The following SP6 variants were observed in gnomAD, a reference collection of about 807,000 sequenced individuals.
SP6 encodes Sp6 transcription factor.
In SP6, 10 loss-of-function variants were observed where a neutral mutation model predicts 23.4. The ratio of observed to expected loss-of-function variants is 0.43; its 90% confidence interval spans 0.26 to 0.72. SP6 has a LOEUF of 0.72. SP6 is among the 30% of genes least tolerant of loss of function. The pLI is 0.23. For missense variants in SP6, 482 were observed against 523.8 expected, an observed-to-expected ratio of 0.92 and a Z score of 0.78; for synonymous variants, 238 against 238.7, an observed-to-expected ratio of 1.00 and a Z score of 0.03.
At chr17:47,858,201 C>A (rs2034012247), upstream of SP6, among the ~76,000 whole-genome samples, 1 of 152,128 alleles carries the variant, frequency 6.6e-6, no homozygotes. Flanking sequence ...CCATCTCCTA[C>A]TGTTCTTCCT....
the SP6 span, among the ~76,000 whole-genome samples, chr17:47,874,920 C>T: frequency 6.6e-6 from 1 of 152,080 alleles, no homozygotes; most frequent in Non-Finnish European, 1.5e-5. Context: ...CTCCACCTGC[C>T]CAAACCTGTG....
chr17:47,847,219 G>T lies in SP6; in HGVS notation c.*80C>A. The T allele has an allele frequency of 7.3e-7, 1 of 1,379,070 alleles. No homozygotes were observed. Among genetic ancestry groups the T allele is most frequent in the Non-Finnish European group, 9.6e-7 (1 of 1,043,808 alleles). 85.4% of individuals were successfully genotyped at this position (1,379,070 alleles called of 1,614,324 possible). On this transcript the variant is annotated 3_prime_UTR_variant, in exon 2 of 2. Coordinates refer to ENST00000536300, the MANE Select transcript of SP6 (RefSeq NM_001258248.2). ...ATACGCACCTTCCCCTCTTCCTCAA[G>T]CCACCCCCAAGGACGTCAGACCTGG...
At chr17:47,871,597 T>A in the SP6 span, among the ~76,000 whole-genome samples, 2 of 152,018 alleles carry the variant, frequency 1.3e-5, no homozygotes, top group Non-Finnish European at 2.9e-5. Context: ...TGTATCCCCA[T>A]CTGGTCTCTG....
Position 47,848,519 on chromosome 17 carries a change from A to C in SP6, c.-57-33T>G. The C allele has an allele frequency of 7.9e-7, 1 of 1,267,604 alleles. No individual in the cohort carries two copies. The highest frequency in any genetic ancestry group is 1.6e-5 in the South Asian group (1 of 62,576). 78.5% of individuals were successfully genotyped at this position (1,267,604 alleles called of 1,614,324 possible). ...AGGCGAAGAAGCAGAAAAGTAAGGG[A>C]AATAACCAGCTCACTTTCCCTCCTA... On this transcript the variant is annotated intron_variant, in intron 1 of 1. Transcript: ENST00000536300. The surrounding 1 kb of genome is among the most constrained non-coding windows in gnomAD (Gnocchi z 5.3).
rs1218221032 is a variant in SP6 at position 47,848,078 on chromosome 17, C to A, written c.352G>T (p.Gly118Cys). Residue 118 changes from glycine (G) to cysteine (C), a missense_variant, in exon 2 of 2, where the codon GGC becomes TGC. By Grantham distance (159) the Gly-to-Cys change is radical (BLOSUM62 -3). Transcript: ENST00000536300. The surrounding 1 kb of genome is among the most constrained non-coding windows in gnomAD (Gnocchi z 5.3). ...CCCGGATGAAGGTCCCACCACGAGCCATCCTCCGCGCCTGGGTGAGTCGGC... is the reference window on the plus strand; with the variant it reads ...CCCGGATGAAGGTCCCACCACGAGCAATCCTCCGCGCCTGGGTGAGTCGGC... Reference protein sequence around the residue: ...FRPTHPGAEDGSWWDLHPGTS... With the variant: ...FRPTHPGAEDCSWWDLHPGTS... 1 of 1,613,430 alleles carries A rather than the reference C, an allele frequency of 6.2e-7. No individual in the cohort carries two copies. The highest frequency in any genetic ancestry group is 8.5e-7 in the Non-Finnish European group (1 of 1,179,946).
chr17:47,870,713 G>A, the SP6 span, among the ~76,000 whole-genome samples: 1 of 152,252 alleles, frequency 6.6e-6, no homozygotes, highest in Non-Finnish European at 1.5e-5. Context: ...GTATCCAGCT[G>A]GGAAGGGATC....
chr17:47,869,678 C>T, the SP6 span, among the ~76,000 whole-genome samples: 1 of 152,190 alleles, frequency 6.6e-6, no homozygotes, highest in African/African-American at 2.4e-5. Flanking sequence ...AACTAATCTA[C>T]ACTCTTTGGA....
rs543471761 is a variant in SP6, at chr17:47,850,921, C to T, written c.-60G>A. On this transcript the variant is annotated splice_region_variant and 5_prime_UTR_variant, in exon 1 of 2. Coordinates refer to ENST00000536300, the MANE Select transcript of SP6 (RefSeq NM_001258248.2). The stretch of plus-strand genomic sequence containing the variant: ...GCCACCCCGACCCGCGCTCCTACCT[C>T]GAGGCTGCGGCGGGCTCCGGGCACG... 2 of 152,388 alleles carry T rather than the reference C, an allele frequency of 1.3e-5. No homozygotes were observed. The highest frequency in any genetic ancestry group is 4.8e-5 in the African/African-American group (2 of 41,458). The allele number at this position is 152,388 out of a possible 1,614,324, so 9.4% of individuals were successfully genotyped here.
chr17:47,846,169 G>A lies in SP6; in HGVS notation c.*1130C>T, dbSNP rs1418055738. 1 of 152,222 alleles carries A rather than the reference G, an allele frequency of 6.6e-6. No homozygotes were observed. Among genetic ancestry groups the A allele is most frequent in the Non-Finnish European group, 1.5e-5 (1 of 68,064 alleles). 9.4% of individuals were successfully genotyped at this position (152,222 alleles called of 1,614,324 possible). A position where few individuals can be genotyped will look rare whatever the true frequency, so the allele number is the denominator to read the frequency against. On this transcript the variant is annotated 3_prime_UTR_variant, in exon 2 of 2. Coordinates refer to ENST00000536300, the MANE Select transcript of SP6 (RefSeq NM_001258248.2). ...TCCCCTAATGAACATGCTATGGCAG[G>A]GGCAAGGGAAAGACAAGGGCCAAGC...
At chr17:47,866,731 G>A in the SP6 span, among the ~76,000 whole-genome samples, 7 of 152,214 alleles carry the variant, frequency 4.6e-5, no homozygotes, top group Admixed American at 6.5e-5. Context: ...CCCGCTGATC[G>A]GCACTCTGGA....
chr17:47,868,854 T>A, the SP6 span, among the ~76,000 whole-genome samples: 111 of 152,276 alleles, frequency 7.3e-4, no homozygotes, highest in African/African-American at 2.4e-3. Context: ...TCCAGTGCCC[T>A]CTTCTCCGCT....
At chr17:47,849,595 G>A (rs2033934663) in intron 1 of SP6, among the ~76,000 whole-genome samples, 1 of 152,212 alleles carries the variant, frequency 6.6e-6, no homozygotes, top group African/African-American at 2.4e-5. Flanking sequence ...TTATTTTGAA[G>A]AGAAGGAAGC....
At chr17:47,868,218 G>A in the SP6 span, among the ~76,000 whole-genome samples, 6 of 152,162 alleles carry the variant, frequency 3.9e-5, no homozygotes, top group Admixed American at 3.9e-4. Flanking sequence ...CTTCACCCAA[G>A]TGGTCCCTCA....
the SP6 span, among the ~76,000 whole-genome samples, chr17:47,875,047 A>AG: frequency 1.3e-5 from 2 of 151,714 alleles, no homozygotes; most frequent in Non-Finnish European, 2.9e-5. Flanking sequence ...TGCCACCACC[A>AG]GGGGGGCAGC....
chr17:47,852,589 C>T (rs576799359), upstream of SP6, among the ~76,000 whole-genome samples: 3 of 152,214 alleles, frequency 2.0e-5, no homozygotes, highest in Admixed American at 1.3e-4. Flanking sequence ...ACAGCCCCTA[C>T]TCCCCCCCGC....
At chr17:47,849,872 G>C (rs1427283901) in intron 1 of SP6, among the ~76,000 whole-genome samples, 1 of 152,166 alleles carries the variant, frequency 6.6e-6, no homozygotes, top group African/African-American at 2.4e-5. Flanking sequence ...TTCTCTACTG[G>C]TGGGGGAGGA....
the SP6 span, among the ~76,000 whole-genome samples, chr17:47,872,938 G>A: frequency 6.6e-6 from 1 of 152,316 alleles, no homozygotes; most frequent in South Asian, 2.1e-4. Flanking sequence ...GGAGAGGGCG[G>A]AAGGGGCTTT....
At chr17:47,855,148 T>C (rs960360049), upstream of SP6, among the ~76,000 whole-genome samples, 3 of 152,218 alleles carry the variant, frequency 2.0e-5, no homozygotes, top group African/African-American at 7.2e-5. Context: ...CGCTTTTCAG[T>C]CTAGAAGATG....
At chr17:47,872,653 G>A in the SP6 span, among the ~76,000 whole-genome samples, 2 of 152,240 alleles carry the variant, frequency 1.3e-5, no homozygotes, top group Non-Finnish European at 2.9e-5. Flanking sequence ...ACAGCCCTTT[G>A]CCGGCCCACT....
Sources: allele counts gnomAD v4.1 joint callset (sites outside exome capture counted in the v4.1 genomes callset), GRCh38; gene constraint gnomAD v4.1.1; non-coding constraint Gnocchi (gnomAD v3.1); transcripts MANE v1.5; gene names NCBI Gene and HGNC (gene_info 2026-07-23, HGNC 2026-07-21).